The following PCDHGA5 variants were observed in gnomAD, a reference collection of about 807,000 sequenced individuals.
PCDHGA5 encodes the protein protocadherin gamma-A5.
A neutral mutation model predicts 56.7 loss-of-function variants in PCDHGA5; 36 were observed. The ratio of observed to expected loss-of-function variants is 0.64; its 90% CI spans 0.49 to 0.84. PCDHGA5 has a LOEUF of 0.84. Ranked by LOEUF, PCDHGA5 falls within the 40% of genes least tolerant of loss-of-function variation. PCDHGA5 has a pLI of 0.00. For missense variants in PCDHGA5, 1,305 were observed against 1,201.5 expected (o/e 1.09, Z -1.27); for synonymous variants, 563 against 520.2 (o/e 1.08, Z -1.12).
intron 1 of PCDHGA5, chr5:141,394,218 G>C: frequency 6.2e-7 from 1 of 1,613,918 alleles, no homozygotes; most frequent in Non-Finnish European, 8.5e-7. Context: ...CCTGAGAGGA[G>C]CCTCCATCTT....
chr5:141,427,440 G>T (rs747459662), intron 1 of PCDHGA5: 3 of 477,366 alleles, frequency 6.3e-6, no homozygotes, highest in South Asian at 3.1e-5. Flanking sequence ...CCTCATAAAC[G>T]AAAGAGTTCC....
At chr5:141,375,731 C>G in intron 1 of PCDHGA5, 2 of 1,614,256 alleles carry the variant, frequency 1.2e-6, no homozygotes, top group Non-Finnish European at 1.7e-6. Context: ...GTCACTGAGC[C>G]TGTTTGTGCT....
intron 1 of PCDHGA5, chr5:141,388,753 T>C: frequency 6.2e-7 from 1 of 1,613,986 alleles, no homozygotes; most frequent in Non-Finnish European, 8.5e-7. Flanking sequence ...ATCACCCAAT[T>C]TGACCTGAAC....
In PCDHGA5 at chr5:141,365,748, CTG is replaced by C; in HGVS notation, c.1421_1422del (p.Val474AspfsTer4). 1 of 1,613,834 alleles carries C rather than the reference CTG, an allele frequency of 6.2e-7. No homozygotes were observed. The highest frequency in any genetic ancestry group is 8.5e-7 in the Non-Finnish European group (1 of 1,179,884). On this transcript the variant is annotated frameshift_variant, in exon 1 of 4. Transcript: ENST00000518069. LOFTEE classifies it high-confidence loss of function. ...AATCCCAGAGGTGTCTCTATCTTCT[CTG>C]TGACAGCCCATGACCCCGACAGCGG...
chr5:141,494,891 C>G, intron 2 of PCDHGA5, 26 bp downstream of exon 2: 1 of 1,614,098 alleles, frequency 6.2e-7, no homozygotes. Flanking sequence ...TCCAGCCCAC[C>G]CTCTTCTCTG....
At chr5:141,509,216 T>C (rs2099875781) in intron 3 of PCDHGA5, among the ~76,000 whole-genome samples, 1 of 152,124 alleles carries the variant, frequency 6.6e-6, no homozygotes, top group South Asian at 2.1e-4. Flanking sequence ...TATTTCTCAA[T>C]CCCTGGTTGA....
intron 1 of PCDHGA5, chr5:141,389,614 C>T: frequency 1.2e-6 from 2 of 1,613,064 alleles, no homozygotes; most frequent in Non-Finnish European, 1.7e-6. Context: ...GATATGGTGC[C>T]GCACGCTGCA....
intron 1 of PCDHGA5, among the ~76,000 whole-genome samples, chr5:141,460,888 C>T (rs530320189): frequency 1.3e-5 from 2 of 149,792 alleles, no homozygotes; most frequent in East Asian, 2.0e-4. Context: ...CATGCCTTTT[C>T]GTGGCTGAGT....
At position 141,476,813 on chromosome 5, in the gene PCDHGA5, A is replaced by G. The variant is rs749333814; in HGVS notation, c.2422-17994A>G. The G allele has an allele frequency of 6.8e-6, 11 of 1,613,548 alleles. No individual in the cohort carries two copies. Among genetic ancestry groups the G allele is most frequent in the Non-Finnish European group, 9.3e-6 (11 of 1,180,022 alleles). On this transcript the variant is annotated intron_variant, in intron 1 of 3. Transcript: ENST00000518069. The surrounding 1 kb of genome is among the most constrained non-coding windows in gnomAD (Gnocchi z 7.6). ...CTCCGCCAGCCTGCCTATTCACATC[A>G]AGGTGCTGGACGCGAATGACAATGC...
At chr5:141,410,995 T>A in intron 1 of PCDHGA5, 1 of 174,388 alleles carries the variant, frequency 5.7e-6, no homozygotes, top group South Asian at 1.4e-4. Flanking sequence ...CTGGGATTAC[T>A]GGTGCCCCTC....
At chr5:141,478,074 A>G in intron 1 of PCDHGA5, 1 of 1,614,090 alleles carries the variant, frequency 6.2e-7, no homozygotes, top group Non-Finnish European at 8.5e-7. Context: ...GACAATGGGG[A>G]GCCTTCGCTC....
At chr5:141,428,313 C>T in intron 1 of PCDHGA5, 1 of 671,482 alleles carries the variant, frequency 1.5e-6, no homozygotes, top group Non-Finnish European at 2.6e-6. Context: ...TGGTCGTGGC[C>T]TTGGCCTTGA....
chr5:141,418,018 T>C, intron 1 of PCDHGA5: 1 of 1,613,868 alleles, frequency 6.2e-7, no homozygotes, highest in Non-Finnish European at 8.5e-7. Flanking sequence ...TCGCTAAGGA[T>C]CTAGGGCTTA....
rs766900400 is a variant in PCDHGA5 at position 141,364,438 on chromosome 5, G to C, written c.108G>C (p.Pro36=). The C allele has an allele frequency of 6.9e-5, 111 of 1,613,704 alleles. No homozygotes were observed. Among genetic ancestry groups the C allele is most frequent in the Non-Finnish European group, 8.6e-5 (102 of 1,179,786 alleles). ...PGSGQIRYSM[P]EELDKGSFVG... Reference sequence around the variant, plus strand: ...CCGGGCAGATCCGCTACTCGATGCCGGAGGAGCTGGACAAAGGCTCCTTCG... The same window carrying C: ...CCGGGCAGATCCGCTACTCGATGCCCGAGGAGCTGGACAAAGGCTCCTTCG... Residue 36 remains proline, a synonymous_variant, in exon 1 of 4, where the codon CCG becomes CCC. Transcript: ENST00000518069.
chr5:141,494,675 C>A, intron 1 of PCDHGA5, 132 bp from the exon 2 acceptor site: 2 of 1,548,574 alleles, frequency 1.3e-6, no homozygotes, highest in South Asian at 1.2e-5. Flanking sequence ...TGAGTCCACC[C>A]CTGCCCCCTC....
chr5:141,451,908 G>C (rs899191624), intron 1 of PCDHGA5, among the ~76,000 whole-genome samples: 1 of 152,046 alleles, frequency 6.6e-6, no homozygotes, highest in Non-Finnish European at 1.5e-5. Flanking sequence ...AAGGGAGGGA[G>C]GGAGGAAGGA....
At chr5:141,392,280 GCA>G (rs1460323134) in intron 1 of PCDHGA5, 2 of 152,190 alleles carry the variant, frequency 1.3e-5, no homozygotes, top group East Asian at 3.8e-4. Flanking sequence ...AAAGCTTAGA[GCA>G]CAATGGGAAA....
Position 141,491,401 on chromosome 5 carries a change from G to T in PCDHGA5, c.2422-3406G>T, listed in dbSNP as rs1442005704. ...GTCAGCGAAGTGCCTTCAGGGAAAC[G>T]CAGACGGGGACGGGGGTGGAGGGCA... On this transcript the variant is annotated intron_variant, in intron 1 of 3. Coordinates refer to ENST00000518069, the MANE Select transcript of PCDHGA5 (RefSeq NM_018918.3). The surrounding 1 kb of genome is among the most constrained non-coding windows in gnomAD (Gnocchi z 6.9). 1.2e-6 allele frequency: 2 copies of T among 1,614,102 alleles called. No homozygotes were observed. Among genetic ancestry groups the T allele is most frequent in the Non-Finnish European group, 1.7e-6 (2 of 1,179,990 alleles).
chr5:141,511,351 C>G lies in PCDHGA5; in HGVS notation c.*178C>G, dbSNP rs1190324197. On this transcript the variant is annotated 3_prime_UTR_variant, in exon 4 of 4. Coordinates refer to ENST00000518069, the MANE Select transcript of PCDHGA5 (RefSeq NM_018918.3). The stretch of plus-strand genomic sequence containing the variant: ...CCAGTCAGCACCTACCCCTTCCCCC[C>G]CAGGGGGTTGAATATGCAAAAGCAG... 6 of 1,386,432 alleles carry G rather than the reference C, an allele frequency of 4.3e-6. No individual in the cohort carries two copies. The highest frequency in any genetic ancestry group is 2.9e-5 in the African/African-American group (2 of 68,574). The allele number at this position is 1,386,432 out of a possible 1,614,324, so 85.9% of individuals were successfully genotyped here.
Sources: allele counts gnomAD v4.1 joint callset (sites outside exome capture counted in the v4.1 genomes callset), GRCh38; gene constraint gnomAD v4.1.1; non-coding constraint Gnocchi (gnomAD v3.1); transcripts MANE v1.5; gene names NCBI Gene and HGNC (gene_info 2026-07-23, HGNC 2026-07-21).